Variants in SHANK2 observed in about 807,000 individuals in gnomAD.
SHANK2 encodes SH3 and multiple ankyrin repeat domains protein 2.
A neutral mutation model predicts 133.7 loss-of-function variants in SHANK2; 43 were observed. The ratio of observed to expected loss-of-function variants is 0.32; its 90% CI spans 0.25 to 0.41. The LOEUF (loss-of-function observed/expected upper bound fraction) is 0.41. Among genes scored for constraint, SHANK2 ranks in the 10% least tolerant of loss-of-function variants. SHANK2 has a pLI of 1.00. For missense variants in SHANK2, 1,994 were observed against 2,235.8 expected (o/e 0.89, Z 2.18); for synonymous variants, 1,017 against 952.8 (o/e 1.07, Z -1.24).
Position 70,467,959 on chromosome 11 carries a change from C to T in SHANK2, c.*4910G>A, listed in dbSNP as rs117216980. On this transcript the variant is annotated 3_prime_UTR_variant, in exon 26 of 26. Transcript: ENST00000601538. Reference sequence around the variant, plus strand: ...TGTAGGTGTCCTCAACATTTCATAGCTCGAACCGTCCTTTCTTTACGTTGT... The same window carrying T: ...TGTAGGTGTCCTCAACATTTCATAGTTCGAACCGTCCTTTCTTTACGTTGT... 822 of 152,730 alleles carry T rather than the reference C, an allele frequency of 5.4e-3. 6 individuals carry two copies. Among genetic ancestry groups the T allele is most frequent in the Middle Eastern group, 0.017 (5 of 294 alleles). The allele number at this position is 152,730 out of a possible 1,614,324, so 9.5% of individuals were successfully genotyped here.
At chr11:70,855,744 A>C (rs1292476077) in intron 11 of SHANK2, among the ~76,000 whole-genome samples, 1 of 152,236 alleles carries the variant, frequency 6.6e-6, no homozygotes, top group African/African-American at 2.4e-5. Context: ...AGGAAAGAAA[A>C]AAGAAAGGTG....
chr11:70,525,108 T>C (rs2059379338), intron 17 of SHANK2, among the ~76,000 whole-genome samples: 1 of 152,200 alleles, frequency 6.6e-6, no homozygotes, highest in African/African-American at 2.4e-5. Flanking sequence ...CAGCGACACT[T>C]ACAGTACCCA....
At chr11:70,809,254 C>T (rs782431560) in intron 12 of SHANK2, among the ~76,000 whole-genome samples, 2 of 152,206 alleles carry the variant, frequency 1.3e-5, no homozygotes, top group Non-Finnish European at 2.9e-5. Context: ...TGGTCTCTGA[C>T]CATGGTTCCC....
intron 17 of SHANK2, chr11:70,635,019 T>A (rs2061052902): frequency 6.6e-6 from 1 of 152,208 alleles, no homozygotes; most frequent in Non-Finnish European, 1.5e-5. Flanking sequence ...ATCTCACACC[T>A]GTTAGGATGG....
intron 2 of SHANK2, among the ~76,000 whole-genome samples, chr11:71,214,853 G>A (rs1369571236): frequency 2.0e-5 from 3 of 152,244 alleles, no homozygotes; most frequent in Admixed American, 6.5e-5. Flanking sequence ...GCAGGTGCTC[G>A]ATGGGAGGCC....
Position 70,804,416 on chromosome 11 carries a change from C to T in SHANK2, c.1663+2586G>A, listed in dbSNP as rs1053126418. ...GTGCAAATGGCCTGCGCGGCCCACTCGAATCTCTTTTCAGAACAGCAGTCC... is the reference window on the plus strand; with the variant it reads ...GTGCAAATGGCCTGCGCGGCCCACTTGAATCTCTTTTCAGAACAGCAGTCC... On this transcript the variant is annotated intron_variant, in intron 13 of 25. Transcript: ENST00000601538. This position sits in a 1 kb window ranked among gnomAD's most constrained non-coding sequence, Gnocchi z 4.1. Among the ~76,000 whole-genome samples, 2 of 152,190 alleles carry T rather than the reference C, an allele frequency of 1.3e-5. No individual in the cohort carries two copies. The highest frequency in any genetic ancestry group is 4.8e-5 in the African/African-American group (2 of 41,462).
At chr11:70,524,054 C>G (rs541588161) in intron 17 of SHANK2, among the ~76,000 whole-genome samples, 2 of 152,190 alleles carry the variant, frequency 1.3e-5, no homozygotes, top group African/African-American at 4.8e-5. Flanking sequence ...TGAGCACTGA[C>G]GACATGGCTG....
At chr11:70,707,372 CAAAAAAAA>C (rs1172194976) in intron 14 of SHANK2, among the ~76,000 whole-genome samples, 18 of 57,880 alleles carry the variant, frequency 3.1e-4, no homozygotes, top group African/African-American at 1.3e-3. Flanking sequence ...AACTCCATCT[CAAAAAAAA>C]AAAAAAAAAA....
intron 17 of SHANK2, chr11:70,603,317 C>T (rs2060525702): frequency 6.6e-6 from 1 of 152,448 alleles, no homozygotes; most frequent in Non-Finnish European, 1.5e-5. Context: ...GGCTGCCGTC[C>T]TGAGACCAAC....
chr11:70,502,740 C>G (rs1460889242), intron 18 of SHANK2, 56 bp downstream of exon 18: 3 of 521,972 alleles, frequency 5.7e-6, no homozygotes, highest in Non-Finnish European at 6.2e-6. Flanking sequence ...TGCCCGCCCC[C>G]ACCCCCCCCC....
intron 11 of SHANK2, among the ~76,000 whole-genome samples, chr11:70,875,855 CAAAAAAA>C (rs869042517): frequency 4.2e-5 from 4 of 94,974 alleles, no homozygotes; most frequent in Non-Finnish European, 9.2e-5. Context: ...GACACTGTTT[CAAAAAAA>C]AAAAAAAAAA....
At chr11:70,546,904 T>A (rs1015024171) in intron 17 of SHANK2, among the ~76,000 whole-genome samples, 1 of 152,320 alleles carries the variant, frequency 6.6e-6, no homozygotes, top group South Asian at 2.1e-4. Flanking sequence ...TTCACCAGAC[T>A]CCCTGGACTT....
At chr11:70,761,486 A>C (rs1182811229) in intron 14 of SHANK2, among the ~76,000 whole-genome samples, 1 of 152,234 alleles carries the variant, frequency 6.6e-6, no homozygotes, top group Non-Finnish European at 1.5e-5. Flanking sequence ...ACGAGGCACC[A>C]TGTCTGCGTG....
At chr11:71,234,738 T>A (rs1954802970) in intron 1 of SHANK2, among the ~76,000 whole-genome samples, 1 of 151,982 alleles carries the variant, frequency 6.6e-6, no homozygotes, top group African/African-American at 2.4e-5. Context: ...TCCTCTTCTG[T>A]CAAGGAGGGA....
chr11:70,683,569 G>A (rs1358670354), intron 15 of SHANK2, among the ~76,000 whole-genome samples: 2 of 152,286 alleles, frequency 1.3e-5, no homozygotes, highest in Non-Finnish European at 2.9e-5. Context: ...CTCTCACAGC[G>A]CTGGAGGCCA....
chr11:71,085,472 AT>A (rs1951366222), intron 8 of SHANK2, among the ~76,000 whole-genome samples: 13 of 126,372 alleles, frequency 1.0e-4, no homozygotes, highest in African/African-American at 4.0e-4. Flanking sequence ...ATATATATAT[AT>A]AATATATATG....
At chr11:70,565,299 C>T (rs977924171) in intron 17 of SHANK2, among the ~76,000 whole-genome samples, 2 of 152,152 alleles carry the variant, frequency 1.3e-5, no homozygotes, top group Admixed American at 1.3e-4. Flanking sequence ...GGCTGGAGTG[C>T]AGTGGTGCGA....
In SHANK2 at chr11:71,092,496, A is replaced by AT; in HGVS notation, c.837_838insA (p.Cys280MetfsTer17). The AT allele has an allele frequency of 6.4e-7, 1 of 1,551,782 alleles. No homozygotes were observed. The highest frequency in any genetic ancestry group is 8.7e-7 in the Non-Finnish European group (1 of 1,147,014). ...TGTTCGTGCAGGAGAAGCTCGCAGC[A>AT]GTAGGGATCACCTCCGACGATGGCT... On this transcript the variant is annotated frameshift_variant, in exon 8 of 26. Transcript: ENST00000601538. LOFTEE classifies it high-confidence loss of function.
intron 21 of SHANK2, among the ~76,000 whole-genome samples, chr11:70,496,534 CAAT>C (rs543426384): frequency 3.0e-4 from 45 of 152,336 alleles, no homozygotes; most frequent in African/African-American, 9.6e-4. Context: ...GTGTCCTGGT[CAAT>C]AATGACAGCC....
Sources: gnomAD v4.1 joint callset for allele counts (sites outside exome capture counted in the v4.1 genomes callset) on GRCh38, gnomAD v4.1.1 for gene constraint, Gnocchi (gnomAD v3.1) non-coding constraint, MANE v1.5 for transcripts, NCBI Gene and HGNC (gene_info 2026-07-23, HGNC 2026-07-21) for gene names.